STT3B: variants seen among roughly 807,000 people sequenced by gnomAD.
STT3B encodes the protein STT3 oligosaccharyltransferase complex catalytic subunit B.
A neutral mutation model predicts 96.8 loss-of-function variants in STT3B; 29 were observed. That is an observed-to-expected ratio of 0.30 (90% confidence interval 0.22 to 0.41). The LOEUF is 0.41. STT3B is among the 10% of genes least tolerant of loss of function. The pLI, the probability that STT3B is intolerant of heterozygous loss-of-function variation, is 1.00. For missense variants in STT3B, 640 were observed against 1,022.3 expected, an observed-to-expected ratio of 0.63 and a Z score of 5.10; for synonymous variants, 367 against 360.0, an observed-to-expected ratio of 1.02 and a Z score of -0.22.
chr3:31,623,549 T>A, intron 10 of STT3B, 125 bp from the exon 11 acceptor site: 1 of 703,900 alleles, frequency 1.4e-6, no homozygotes. Flanking sequence ...ATCTGATGGT[T>A]ATACATTTTC....
chr3:31,586,766 A>G (rs1217680280), intron 3 of STT3B, among the ~76,000 whole-genome samples: 2 of 152,116 alleles, frequency 1.3e-5, no homozygotes, highest in Non-Finnish European at 2.9e-5. Flanking sequence ...TGTTGTTTTC[A>G]TTAGTTTCTA....
chr3:31,533,793 CA>C (rs1697012447), intron 1 of STT3B: 2 of 152,470 alleles, frequency 1.3e-5, no homozygotes, highest in Admixed American at 1.3e-4. Context: ...CGGAATCGGC[CA>C]GGGGGGCTGC....
intron 3 of STT3B, 56 bp downstream of exon 3, chr3:31,580,152 C>A: frequency 6.5e-7 from 1 of 1,537,712 alleles, no homozygotes. Flanking sequence ...TCTCCTGAAA[C>A]ACTTTAGGCT....
intron 7 of STT3B, among the ~76,000 whole-genome samples, chr3:31,617,360 A>G (rs1699328690): frequency 6.6e-6 from 1 of 151,626 alleles, no homozygotes; most frequent in Non-Finnish European, 1.5e-5. Flanking sequence ...GCATGCACAC[A>G]CACTCCCTCT....
intron 5 of STT3B, among the ~76,000 whole-genome samples, chr3:31,613,688 C>G (rs1217551186): frequency 6.6e-6 from 1 of 151,378 alleles, no homozygotes; most frequent in African/African-American, 2.4e-5. Context: ...CTCTCTCTTT[C>G]CTGCCTCTGT....
At position 31,534,548 on chromosome 3, in the gene STT3B, AAG is replaced by A. The variant is rs768499177; in HGVS notation, c.314+1245_314+1246del. Among the ~76,000 whole-genome samples the A allele has an allele frequency of 8.7e-4, 132 of 152,172 alleles. 1 individual carries two copies. Among genetic ancestry groups the A allele is most frequent in the Non-Finnish European group, 5.1e-4 (35 of 68,038 alleles). ...TATTTGTTTCATCATTTGAGATTCA[AAG>A]AGAGAGAGTCTTTTTTGAGAGTTAC... On this transcript the variant is annotated intron_variant, in intron 1 of 15. Coordinates refer to ENST00000295770, the MANE Select transcript of STT3B (RefSeq NM_178862.3).
intron 1 of STT3B, among the ~76,000 whole-genome samples, chr3:31,557,837 A>C (rs1159200426): frequency 3.9e-5 from 6 of 152,094 alleles, no homozygotes; most frequent in Non-Finnish European, 7.4e-5. Flanking sequence ...TTTCACTGTT[A>C]GCTAGGATGG....
chr3:31,628,192 T>C (rs1372944389), intron 13 of STT3B, among the ~76,000 whole-genome samples: 2 of 105,268 alleles, frequency 1.9e-5, no homozygotes, highest in Non-Finnish European at 3.4e-5. Flanking sequence ...ACCATAAATA[T>C]ACACAAATTT....
intron 1 of STT3B, among the ~76,000 whole-genome samples, chr3:31,545,795 T>C (rs1340846124): frequency 6.6e-6 from 1 of 151,008 alleles, no homozygotes; most frequent in African/African-American, 2.4e-5. Context: ...TTGTAAACTT[T>C]CTTAAAACAT....
chr3:31,562,829 C>T (rs890686339), intron 1 of STT3B, among the ~76,000 whole-genome samples: 6 of 152,156 alleles, frequency 3.9e-5, no homozygotes, highest in African/African-American at 1.4e-4. Context: ...GGCCTGTGTT[C>T]TCAAAATGGC....
At chr3:31,549,257 AC>A (rs1697492471) in intron 1 of STT3B, among the ~76,000 whole-genome samples, 1 of 151,904 alleles carries the variant, frequency 6.6e-6, no homozygotes, top group African/African-American at 2.4e-5. Flanking sequence ...TTAGGAACAT[AC>A]TTTTTTTTTC....
At chr3:31,622,029 A>G (rs2125475709) in intron 9 of STT3B, 68 bp from the exon 10 acceptor site, 1 of 896,968 alleles carries the variant, frequency 1.1e-6, no homozygotes, top group East Asian at 2.9e-5. Flanking sequence ...TTATAGTTTT[A>G]AGTATCTAGT....
intron 1 of STT3B, among the ~76,000 whole-genome samples, chr3:31,547,711 A>G (rs1697450385): frequency 6.6e-6 from 1 of 152,248 alleles, no homozygotes; most frequent in African/African-American, 2.4e-5. Flanking sequence ...CCACAGAACA[A>G]TTCTGAATTC....
intron 5 of STT3B, among the ~76,000 whole-genome samples, chr3:31,607,259 G>A (rs1575438102): frequency 6.6e-6 from 1 of 152,132 alleles, no homozygotes; most frequent in East Asian, 1.9e-4. Context: ...GGGACTATTG[G>A]GAAGGCATGA....
chr3:31,580,144 T>TA (rs747034098), intron 3 of STT3B, 48 bp downstream of exon 3: 10 of 1,570,054 alleles, frequency 6.4e-6, no homozygotes, highest in Non-Finnish European at 7.8e-6. Flanking sequence ...GTGACCTTTC[T>TA]CCTGAAACAC....
chr3:31,610,763 A>G (rs982936647), intron 5 of STT3B, among the ~76,000 whole-genome samples: 3 of 152,148 alleles, frequency 2.0e-5, no homozygotes, highest in Non-Finnish European at 2.9e-5. Flanking sequence ...TCTTTGGTTA[A>G]GAATAAACAG....
At chr3:31,545,653 G>A (rs1472505814) in intron 1 of STT3B, among the ~76,000 whole-genome samples, 2 of 33,534 alleles carry the variant, frequency 6.0e-5, no homozygotes, top group African/African-American at 9.3e-5. Context: ...TTAGCACTAG[G>A]CAACATTATG....
chr3:31,561,555 C>G (rs1315573898), intron 1 of STT3B, among the ~76,000 whole-genome samples: 1 of 151,980 alleles, frequency 6.6e-6, no homozygotes, highest in Non-Finnish European at 1.5e-5. Context: ...TTTAACCATC[C>G]CCACCTCCCC....
In STT3B at chr3:31,559,185, GTGTGTT is replaced by G. The variant is rs879353833; in HGVS notation, c.315-17210_315-17205del. On this transcript the variant is annotated intron_variant, in intron 1 of 15. Coordinates refer to ENST00000295770, the MANE Select transcript of STT3B (RefSeq NM_178862.3). ...TGTGTGTGTGTGTGTGTGTGTGTGTGTGTGTTGTCTCTTTCATTTAGTTCTGCTCTG... is the reference window on the plus strand; with the variant it reads ...TGTGTGTGTGTGTGTGTGTGTGTGTGGTCTCTTTCATTTAGTTCTGCTCTG... Among the ~76,000 whole-genome samples the G allele has an allele frequency of 2.6e-3, 313 of 121,176 alleles. 2 individuals are homozygous for G. The highest frequency in any genetic ancestry group is 4.4e-3 in the Non-Finnish European group (253 of 57,826). The allele number at this position is 121,176 out of a possible 152,430, so 79.5% of individuals were successfully genotyped here. A position where few individuals can be genotyped will look rare whatever the true frequency, so the allele number is the denominator to read the frequency against.
Sources: allele counts gnomAD v4.1 joint callset (sites outside exome capture counted in the v4.1 genomes callset), GRCh38; gene constraint gnomAD v4.1.1; transcripts MANE v1.5; gene names NCBI Gene and HGNC (gene_info 2026-07-23, HGNC 2026-07-21).